PPP1R12B: variants seen among roughly 807,000 people sequenced by gnomAD.
PPP1R12B encodes the protein myosin phosphatase target subunit 2.
A neutral mutation model predicts 126.1 loss-of-function variants in PPP1R12B; 76 were observed. The ratio of observed to expected loss-of-function variants is 0.60; its 90% CI spans 0.50 to 0.73. The LOEUF is 0.73. PPP1R12B is among the 30% of genes least tolerant of loss of function. The pLI, the probability that PPP1R12B is intolerant of heterozygous loss-of-function variation, is 0.00. For synonymous variants in PPP1R12B, 356 were observed against 434.7 expected (o/e 0.82, Z 2.25); for missense variants, 1,052 against 1,205.1 (o/e 0.87, Z 1.88).
At position 202,470,977 on chromosome 1, in the gene PPP1R12B, A is replaced by T. The variant is rs930828615; in HGVS notation, c.1851-17556A>T. ...CCCAATCTCTCCATCTTCTGGTCTG[A>T]TCAAATCCCAATATTTTGCCATATT... On this transcript the variant is annotated intron_variant, in intron 13 of 23. Coordinates refer to ENST00000608999, the MANE Select transcript of PPP1R12B (RefSeq NM_002481.4). Among the ~76,000 whole-genome samples the T allele has an allele frequency of 1.2e-4, 18 of 151,758 alleles. 1 individual carries two copies. Among genetic ancestry groups the T allele is most frequent in the Admixed American group, 8.5e-4 (13 of 15,220 alleles).
intron 18 of PPP1R12B, among the ~76,000 whole-genome samples, chr1:202,540,520 A>G (rs1301785904): frequency 6.6e-6 from 1 of 152,206 alleles, no homozygotes; most frequent in Non-Finnish European, 1.5e-5. Context: ...ACTGCTTAAC[A>G]GTAAGATTTT....
chr1:202,462,851 G>A, intron 13 of PPP1R12B: 1 of 985,278 alleles, frequency 1.0e-6, no homozygotes, highest in South Asian at 4.7e-5. Context: ...TGCTGCACAA[G>A]TGTGTGGCAA....
At chr1:202,448,942 A>T in intron 12 of PPP1R12B, 47 bp from the exon 13 acceptor site, 2 of 1,571,536 alleles carry the variant, frequency 1.3e-6, no homozygotes, top group Non-Finnish European at 8.7e-7. Context: ...TTTGTTGTAT[A>T]GCATGCCTAA....
rs187194761 is a variant in PPP1R12B at position 202,545,169 on chromosome 1, A to G, written c.2491-13708A>G. Among the ~76,000 whole-genome samples, 95 of 152,206 alleles carry G rather than the reference A, an allele frequency of 6.2e-4. No homozygotes were observed. The Middle Eastern group carries it at 0.017, about 27-fold the overall frequency. On this transcript the variant is annotated intron_variant, in intron 18 of 23. Coordinates refer to ENST00000608999, the MANE Select transcript of PPP1R12B (RefSeq NM_002481.4). ...TAATTAAGAGTGCAATCTGTTAACCATTTTTTCCGCCTAATTAAAAGCAGG... is the reference window on the plus strand; with the variant it reads ...TAATTAAGAGTGCAATCTGTTAACCGTTTTTTCCGCCTAATTAAAAGCAGG...
rs1345212364 is a variant in PPP1R12B, at chr1:202,589,552, C to G, written c.*8992C>G. The G allele has an allele frequency of 6.6e-6, 1 of 152,276 alleles. No individual in the cohort carries two copies. The highest frequency in any genetic ancestry group is 1.5e-5 in the Non-Finnish European group (1 of 68,092). The allele number at this position is 152,276 out of a possible 1,614,324, so 9.4% of individuals were successfully genotyped here. On this transcript the variant is annotated 3_prime_UTR_variant, in exon 24 of 24. Transcript: ENST00000608999. ...GGTTCCTAGACTGCAAATGTCATTTCTCTTTCTGACCCCCACTGGTTGTAG... is the reference window on the plus strand; with the variant it reads ...GGTTCCTAGACTGCAAATGTCATTTGTCTTTCTGACCCCCACTGGTTGTAG...
At chr1:202,512,941 C>G (rs1359448138) in intron 18 of PPP1R12B, among the ~76,000 whole-genome samples, 2 of 152,164 alleles carry the variant, frequency 1.3e-5, no homozygotes, top group African/African-American at 4.8e-5. Context: ...GGTAATCATA[C>G]TATGTTGTAT....
rs150044289 is a variant in PPP1R12B at position 202,375,314 on chromosome 1, G to T, written c.291+26172G>T. On this transcript the variant is annotated intron_variant, in intron 1 of 23. Transcript: ENST00000608999. The stretch of plus-strand genomic sequence containing the variant: ...CACACCTTTCTTAAAATCTTTCAGT[G>T]GTTGTCATTGCCCTGTTCTCTAGTC... 1.5e-3 allele frequency among the ~76,000 whole-genome samples: 233 copies of T among 152,272 alleles called. 1 individual carries two copies. The highest frequency in any genetic ancestry group is 5.4e-3 in the African/African-American group (224 of 41,546).
chr1:202,571,052 A>C (rs952239025), intron 23 of PPP1R12B, among the ~76,000 whole-genome samples: 1 of 152,232 alleles, frequency 6.6e-6, no homozygotes, highest in Non-Finnish European at 1.5e-5. Context: ...CTCACCAGTC[A>C]TGGGGCTCTG....
intron 14 of PPP1R12B, among the ~76,000 whole-genome samples, chr1:202,491,116 A>G (rs1182391514): frequency 6.6e-6 from 1 of 151,930 alleles, no homozygotes; most frequent in Non-Finnish European, 1.5e-5. Flanking sequence ...TATCCTCACC[A>G]ATATTTTTGT....
intron 23 of PPP1R12B, among the ~76,000 whole-genome samples, chr1:202,574,601 A>G (rs1360361502): frequency 2.6e-5 from 4 of 152,202 alleles, no homozygotes; most frequent in Admixed American, 1.3e-4. Context: ...GAACACACCA[A>G]GTCCTCAGCT....
intron 9 of PPP1R12B, among the ~76,000 whole-genome samples, chr1:202,437,401 A>G (rs770942294): frequency 1.3e-5 from 2 of 152,190 alleles, no homozygotes; most frequent in Non-Finnish European, 2.9e-5. Context: ...ATAAGGAGGG[A>G]TTAAGCTCAT....
chr1:202,495,585 A>T lies in PPP1R12B; in HGVS notation c.2351A>T (p.Asp784Val). Reference protein sequence around the residue: ...EMDKNENEEADLDEQSSKRLS... With the variant: ...EMDKNENEEAVLDEQSSKRLS... ...CTCTGGCCAGAGAATGAAGAAGCAG[A>T]TTTGGATGAGCAGTCCTCTAAGAGG... is the stretch of plus-strand genomic sequence containing the variant. The change falls in exon 17 of 24, where the codon GAT becomes GTT. Residue 784 changes from aspartate (D) to valine (V), a missense_variant. Transcript: ENST00000608999. 1 of 1,614,150 alleles carries T rather than the reference A, an allele frequency of 6.2e-7. No individual in the cohort carries two copies. The highest frequency in any genetic ancestry group is 8.5e-7 in the Non-Finnish European group (1 of 1,180,016).
At chr1:202,556,108 T>C (rs1396998303) in intron 18 of PPP1R12B, among the ~76,000 whole-genome samples, 2 of 152,138 alleles carry the variant, frequency 1.3e-5, no homozygotes, top group Non-Finnish European at 2.9e-5. Flanking sequence ...ACTCCTGACC[T>C]CAAGTGATCC....
rs1553332057 is a variant in PPP1R12B at position 202,588,831 on chromosome 1, A to ATAGAT, written c.*8272_*8276dup. On this transcript the variant is annotated 3_prime_UTR_variant, in exon 24 of 24. Coordinates refer to ENST00000608999, the MANE Select transcript of PPP1R12B (RefSeq NM_002481.4). The stretch of plus-strand genomic sequence containing the variant: ...GGCGTTCAAAAGAACCGTAAGATAG[A>ATAGAT]TAGATAGATAGATAGATAGATAGAT... The ATAGAT allele has an allele frequency of 2.3e-5, 3 of 129,066 alleles. No homozygotes were observed. Among genetic ancestry groups the ATAGAT allele is most frequent in the African/African-American group, 3.6e-5 (1 of 28,150 alleles). The allele number at this position is 129,066 out of a possible 1,614,324, so 8.0% of individuals were successfully genotyped here.
intron 21 of PPP1R12B, 190 bp from the exon 22 acceptor site, chr1:202,567,588 C>T: frequency 1.7e-6 from 1 of 590,456 alleles, no homozygotes; most frequent in Non-Finnish European, 3.0e-6. Flanking sequence ...ATCCTGCAAA[C>T]TTCAGAGAGG....
chr1:202,381,072 A>G (rs1202746474), intron 1 of PPP1R12B, among the ~76,000 whole-genome samples: 1 of 152,156 alleles, frequency 6.6e-6, no homozygotes, highest in Non-Finnish European at 1.5e-5. Flanking sequence ...ATACATATAC[A>G]TTTCTCATAT....
At chr1:202,578,826 G>A (rs915276908) in intron 23 of PPP1R12B, among the ~76,000 whole-genome samples, 1 of 152,210 alleles carries the variant, frequency 6.6e-6, no homozygotes, top group Non-Finnish European at 1.5e-5. Flanking sequence ...GAGAAGGCGA[G>A]TGATCTGCCT....
chr1:202,373,659 C>T (rs1335783533), intron 1 of PPP1R12B, among the ~76,000 whole-genome samples: 1 of 123,618 alleles, frequency 8.1e-6, no homozygotes. Flanking sequence ...CAGAAGATAT[C>T]TTTGTTTTTT....
intron 1 of PPP1R12B, among the ~76,000 whole-genome samples, chr1:202,398,901 G>C (rs950932031): frequency 6.6e-6 from 1 of 151,780 alleles, no homozygotes; most frequent in Non-Finnish European, 1.5e-5. Context: ...TTAACTTCTT[G>C]GTTTTTGCTA....
Sources: gnomAD v4.1 joint callset for allele counts (sites outside exome capture counted in the v4.1 genomes callset) on GRCh38, gnomAD v4.1.1 for gene constraint, MANE v1.5 for transcripts, NCBI Gene and HGNC (gene_info 2026-07-23, HGNC 2026-07-21) for gene names.